Variants in ATMIN observed in about 807,000 individuals in gnomAD.
The protein encoded by ATMIN is ATM INteracting protein.
Under a neutral mutation model 49.2 loss-of-function variants are expected in ATMIN, and 24 were observed. The observed-to-expected ratio is 0.49, with a 90% CI of 0.35 to 0.69. The LOEUF (loss-of-function observed/expected upper bound fraction) is 0.69. ATMIN is among the 30% of genes least tolerant of loss of function. ATMIN has a pLI of 0.00. For missense variants in ATMIN, 1,037 were observed against 1,005.5 expected (o/e 1.03, Z -0.42); for synonymous variants, 450 against 392.5 (o/e 1.15, Z -1.73).
At chr16:81,037,166 C>G (rs555762799) in intron 1 of ATMIN, 1 of 985,322 alleles carries the variant, frequency 1.0e-6, no homozygotes, top group African/African-American at 1.7e-5. Flanking sequence ...ATTACAATGG[C>G]AAGTTTCCTT....
rs772540932 is a variant in ATMIN at position 81,043,486 on chromosome 16, T to G, written c.988T>G (p.Leu330Val). ...CGACTCCTCAGCCCAGCCTGTGGTG[T>G]TAGGTGTTGATCAGGGCTCTGCCAC... The part of the protein sequence containing the change: ...TADSSAQPVV[L>V]GVDQGSATGA... The change falls in exon 4 of 4, where the codon TTA becomes GTA. Residue 330 changes from leucine (L) to valine (V), a missense_variant. Coordinates refer to ENST00000299575, the MANE Select transcript of ATMIN (RefSeq NM_015251.3). 8 of 1,614,066 alleles carry G rather than the reference T, an allele frequency of 5.0e-6. No individual in the cohort carries two copies. The highest frequency in any genetic ancestry group is 2.2e-5 in the South Asian group (2 of 91,084).
chr16:81,036,205 A>T lies in ATMIN; in HGVS notation c.335A>T (p.Gln112Leu). The part of the protein sequence containing the change: ...NMHLVKSHRL[Q>L]DGIVNPTIRK... ...CACCTAGTCAAGAGCCACCGCCTGC[A>T]GGTGAGCCCGACGCGGCCGGCGGCC... The change falls in exon 1 of 4, where the codon CAG becomes CTG. Residue 112 changes from glutamine to leucine, a missense_variant and splice_region_variant. Transcript: ENST00000299575. 7.0e-7 allele frequency: 1 copy of T among 1,422,560 alleles called. No individual in the cohort carries two copies. The highest frequency in any genetic ancestry group is 9.3e-7 in the Non-Finnish European group (1 of 1,078,230). 88.1% of individuals were successfully genotyped at this position (1,422,560 alleles called of 1,614,324 possible).
rs1971040211 is a variant in ATMIN at position 81,041,700 on chromosome 16, A to G, written c.462+219A>G. 6.5e-6 allele frequency: 3 copies of G among 464,312 alleles called. No homozygotes were observed. The South Asian group carries it at 1.1e-4, about 18-fold the overall frequency. 28.8% of individuals were successfully genotyped at this position (464,312 alleles called of 1,614,324 possible). A position where few individuals can be genotyped will look rare whatever the true frequency, so the allele number is the denominator to read the frequency against. The stretch of plus-strand genomic sequence containing the variant: ...TGTCTAGAACTGAGTTAAAATACAG[A>G]GAGAGAGAGTAAACCAGTTCAGCAA... On this transcript the variant is annotated intron_variant, in intron 2 of 3. Coordinates refer to ENST00000299575, the MANE Select transcript of ATMIN (RefSeq NM_015251.3).
Position 81,043,784 on chromosome 16 carries a change from A to G in ATMIN, c.1286A>G (p.Gln429Arg), listed in dbSNP as rs536405406. ...YASQNFIPSAQWATADSSVSS... is the reference protein window; with the variant it reads ...YASQNFIPSARWATADSSVSS... ...TCACAAAACTTTATACCTTCTGCAC[A>G]GTGGGCCACTGCTGATTCCTCTGTG... The change falls in exon 4 of 4, where the codon CAG becomes CGG. Residue 429 changes from glutamine to arginine, a missense_variant. By Grantham distance (43) the Gln-to-Arg change is conservative (BLOSUM62 1). Coordinates refer to ENST00000299575, the MANE Select transcript of ATMIN (RefSeq NM_015251.3). 10 of 1,614,262 alleles carry G rather than the reference A, an allele frequency of 6.2e-6. No individual in the cohort carries two copies. In the Admixed American group the frequency reaches 1.5e-4, roughly 24 times the overall value.
At chr16:81,037,811 T>TG (rs1255448201) in intron 1 of ATMIN, among the ~76,000 whole-genome samples, 1 of 151,818 alleles carries the variant, frequency 6.6e-6, no homozygotes, top group Non-Finnish European at 1.5e-5. Context: ...AATTTTTTTT[T>TG]GTATTTTTAG....
chr16:81,039,400 C>T (rs1354012091), intron 1 of ATMIN, among the ~76,000 whole-genome samples: 1 of 152,098 alleles, frequency 6.6e-6, no homozygotes, highest in Non-Finnish European at 1.5e-5. Context: ...ATCTTTCTTC[C>T]CAAAACACCC....
intron 1 of ATMIN, chr16:81,040,388 A>T (rs886130612): frequency 3.3e-5 from 5 of 152,306 alleles, no homozygotes; most frequent in African/African-American, 1.2e-4. Context: ...AAACAGGAGC[A>T]TGGACAGTGT....
chr16:81,039,478 T>C (rs1259524868), intron 1 of ATMIN, among the ~76,000 whole-genome samples: 2 of 152,120 alleles, frequency 1.3e-5, no homozygotes, highest in East Asian at 1.9e-4. Context: ...GAATGAGGAA[T>C]TGGATTGCAA....
At chr16:81,041,509 A>G (rs372962224) in intron 2 of ATMIN, 28 bp downstream of exon 2, 1 of 1,584,460 alleles carries the variant, frequency 6.3e-7, no homozygotes, top group Non-Finnish European at 8.5e-7. Flanking sequence ...GATGAGATAC[A>G]GATGCTAAAA....
chr16:81,036,471 C>T (rs1290938764), intron 1 of ATMIN, among the ~76,000 whole-genome samples: 8 of 152,228 alleles, frequency 5.3e-5, no homozygotes, highest in African/African-American at 9.6e-5. Flanking sequence ...GGCTCCCTGG[C>T]CCCGAGTGTC....
chr16:81,044,715 G>A lies in ATMIN; in HGVS notation c.2217G>A (p.Glu739=). 6.2e-7 allele frequency: 1 copy of A among 1,614,204 alleles called. No homozygotes were observed. Among genetic ancestry groups the A allele is most frequent in the Non-Finnish European group, 8.5e-7 (1 of 1,180,040 alleles). The change falls in exon 4 of 4, where the codon GAG becomes GAA. Residue 739 remains glutamate (E), a synonymous_variant. Transcript: ENST00000299575. ...FSVSTDSSDT[E]TQTEGVSTAK... ...TGAGTACTGATTCATCTGACACAGA[G>A]ACCCAAACTGAAGGAGTCTCCACTG...
intron 1 of ATMIN, among the ~76,000 whole-genome samples, chr16:81,038,540 A>T (rs2873310): frequency 2.0e-5 from 3 of 151,944 alleles, no homozygotes; most frequent in Non-Finnish European, 4.4e-5. Context: ...CGCAGTGCCC[A>T]GTGGCCCCTG....
intron 2 of ATMIN, 116 bp downstream of exon 2, chr16:81,041,597 G>A: frequency 2.3e-6 from 3 of 1,314,906 alleles, no homozygotes; most frequent in East Asian, 2.3e-5. Context: ...GGAGATGCCT[G>A]CGTGTCTCCC....
In ATMIN at chr16:81,044,551, T is replaced by C. The variant is rs766719307; in HGVS notation, c.2053T>C (p.Ser685Pro). 1.2e-5 allele frequency: 20 copies of C among 1,613,964 alleles called. No individual in the cohort carries two copies. Among genetic ancestry groups the C allele is most frequent in the Middle Eastern group, 3.3e-4 (2 of 6,084 alleles). ...CTTACTCGCAGATACCTCTGCTCAG[T>C]CCTATGGGTGTAGGGGAAATTCTAA... ...DFLLADTSAQ[S>P]YGCRGNSNFL... Residue 685 changes from serine (S) to proline (P), a missense_variant, in exon 4 of 4, where the codon TCC (serine) becomes CCC (proline). By Grantham distance (74) the Ser-to-Pro change is moderately conservative. Coordinates refer to ENST00000299575, the MANE Select transcript of ATMIN (RefSeq NM_015251.3).
intron 2 of ATMIN, among the ~76,000 whole-genome samples, chr16:81,041,944 T>C (rs1971043232): frequency 6.6e-6 from 1 of 151,252 alleles, no homozygotes; most frequent in Non-Finnish European, 1.5e-5. Context: ...ATCTGAAATG[T>C]TCCCCTGAGG....
chr16:81,045,087 G>C lies in ATMIN; in HGVS notation c.*117G>C. On this transcript the variant is annotated 3_prime_UTR_variant, in exon 4 of 4. Coordinates refer to ENST00000299575, the MANE Select transcript of ATMIN (RefSeq NM_015251.3). Reference sequence around the variant, plus strand: ...ATGTGGCTGATGATGCAGTTGCTTAGCTTCTTTGTGTTTCTTTGCCTTTTG... The same window carrying C: ...ATGTGGCTGATGATGCAGTTGCTTACCTTCTTTGTGTTTCTTTGCCTTTTG... The C allele has an allele frequency of 7.4e-7, 1 of 1,346,860 alleles. No individual in the cohort carries two copies. The highest frequency in any genetic ancestry group is 1.0e-6 in the Non-Finnish European group (1 of 996,862). 83.4% of individuals were successfully genotyped at this position (1,346,860 alleles called of 1,614,324 possible). A position where few individuals can be genotyped will look rare whatever the true frequency, so the allele number is the denominator to read the frequency against.
Position 81,043,831 on chromosome 16 carries a change from T to C in ATMIN, c.1333T>C (p.Leu445=). 1.2e-6 allele frequency: 2 copies of C among 1,614,212 alleles called. No individual in the cohort carries two copies. Among genetic ancestry groups the C allele is most frequent in the Non-Finnish European group, 1.7e-6 (2 of 1,180,036 alleles). ...TGTGTCGTCTTGTTCTCAAACTGAT[T>C]TGTCGTTTGATTCTCAAGTGTCTCT... is the stretch of plus-strand genomic sequence containing the variant. ...SSVSSCSQTD[L]SFDSQVSLPI... is the part of the protein sequence containing the mutation. The change falls in exon 4 of 4, where the codon TTG becomes CTG. Residue 445 remains leucine (L), a synonymous_variant. Coordinates refer to ENST00000299575, the MANE Select transcript of ATMIN (RefSeq NM_015251.3).
At position 81,043,983 on chromosome 16, in the gene ATMIN, C is replaced by T. The variant is rs773325281; in HGVS notation, c.1485C>T (p.Thr495=). 6.2e-7 allele frequency: 1 copy of T among 1,614,178 alleles called. No individual in the cohort carries two copies. Among genetic ancestry groups the T allele is most frequent in the Non-Finnish European group, 8.5e-7 (1 of 1,180,034 alleles). ...GTGGGGTCTCCAGAGAAACTCAAAC[C>T]AGTGGGATAGAAAGTCCAACGGATG... The part of the protein sequence containing the change: ...QSGGVSRETQ[T]SGIESPTDDH... The change falls in exon 4 of 4, where the codon ACC becomes ACT. Residue 495 remains threonine (T), a synonymous_variant. Transcript: ENST00000299575.
intron 1 of ATMIN, among the ~76,000 whole-genome samples, chr16:81,038,675 G>C (rs928876831): frequency 6.6e-6 from 1 of 152,128 alleles, no homozygotes; most frequent in African/African-American, 2.4e-5. Flanking sequence ...AGGCTTTTCA[G>C]GGTCTTGCTC....
Sources: gnomAD v4.1 joint callset for allele counts (sites outside exome capture counted in the v4.1 genomes callset) on GRCh38, gnomAD v4.1.1 for gene constraint, MANE v1.5 for transcripts, NCBI Gene and HGNC (gene_info 2026-07-23, HGNC 2026-07-21) for gene names.